The following CCBE1 variants were observed in gnomAD, a reference collection of about 807,000 sequenced individuals.
CCBE1 encodes collagen and calcium binding EGF domains 1.
In CCBE1, 37 loss-of-function variants were observed where a neutral mutation model predicts 50.0. The ratio of observed to expected loss-of-function variants is 0.74; its 90% confidence interval spans 0.57 to 0.97. The LOEUF is 0.97. Ranked by LOEUF, CCBE1 falls within the 50% of genes least tolerant of loss-of-function variation. The pLI, the probability that CCBE1 is intolerant of heterozygous loss-of-function variation, is 0.00. For synonymous variants in CCBE1, 234 were observed against 203.7 expected, an observed-to-expected ratio of 1.15 and a Z score of -1.27; for missense variants, 538 against 523.8, an observed-to-expected ratio of 1.03 and a Z score of -0.26.
At chr18:59,459,595 A>T (rs771536745) in intron 5 of CCBE1, among the ~76,000 whole-genome samples, 11 of 152,196 alleles carry the variant, frequency 7.2e-5, no homozygotes, top group Non-Finnish European at 1.6e-4. Context: ...GTTGACCAGG[A>T]CGTCTATCCT....
At chr18:59,681,800 C>T (rs554525179) in intron 2 of CCBE1, among the ~76,000 whole-genome samples, 4 of 152,344 alleles carry the variant, frequency 2.6e-5, no homozygotes, top group African/African-American at 9.6e-5. Flanking sequence ...AGATGGCTAT[C>T]ATGTTTGTAA....
chr18:59,532,947 A>G (rs969153211), intron 2 of CCBE1, among the ~76,000 whole-genome samples: 1 of 152,236 alleles, frequency 6.6e-6, no homozygotes, highest in Non-Finnish European at 1.5e-5. Context: ...CAGTTCACCA[A>G]TGGCCACAGG....
intron 3 of CCBE1, 145 bp from the exon 4 acceptor site, chr18:59,469,752 T>C (rs923931237): frequency 1.5e-5 from 16 of 1,040,272 alleles, no homozygotes; most frequent in Non-Finnish European, 2.2e-5. Context: ...ACAGGAACTC[T>C]TTAGGGCTGT....
chr18:59,681,290 A>G (rs1293616403), intron 2 of CCBE1, among the ~76,000 whole-genome samples: 4 of 152,230 alleles, frequency 2.6e-5, no homozygotes, highest in African/African-American at 9.6e-5. Context: ...CCATAAAATA[A>G]GTACATTCAG....
At position 59,605,979 on chromosome 18, in the gene CCBE1, G is replaced by A. The variant is rs188640881; in HGVS notation, c.212+90650C>T. 1.4e-4 allele frequency among the ~76,000 whole-genome samples: 21 copies of A among 152,250 alleles called. No homozygotes were observed. The East Asian group carries it at 3.9e-3, about 28-fold the overall frequency. On this transcript the variant is annotated intron_variant, in intron 2 of 10. Transcript: ENST00000439986. The stretch of plus-strand genomic sequence containing the variant: ...GAGAAATCGCGATGCTCGAATGTCC[G>A]AACTGTAGATTTCTGCCTGAAGCAC...
chr18:59,436,371 C>T (rs552078475), intron 10 of CCBE1, among the ~76,000 whole-genome samples: 2 of 152,310 alleles, frequency 1.3e-5, no homozygotes, highest in South Asian at 4.1e-4. Flanking sequence ...TCCCTCCTAA[C>T]GCTTTATCAA....
chr18:59,672,675 T>C (rs1318107817), intron 2 of CCBE1, among the ~76,000 whole-genome samples: 2 of 152,258 alleles, frequency 1.3e-5, no homozygotes, highest in African/African-American at 4.8e-5. Context: ...CTAATGAGCC[T>C]TGCCCAAATG....
intron 2 of CCBE1, among the ~76,000 whole-genome samples, chr18:59,633,336 A>G (rs945755288): frequency 6.6e-6 from 1 of 152,200 alleles, no homozygotes; most frequent in Non-Finnish European, 1.5e-5. Context: ...CAGCTCTTAC[A>G]TTTCCTCTCT....
chr18:59,649,567 A>G (rs1319741768), intron 2 of CCBE1, among the ~76,000 whole-genome samples: 1 of 152,254 alleles, frequency 6.6e-6, no homozygotes, highest in Non-Finnish European at 1.5e-5. Flanking sequence ...AAATAGCCTC[A>G]GAGATGTCAA....
chr18:59,485,386 C>G (rs1320751654), intron 2 of CCBE1, among the ~76,000 whole-genome samples: 1 of 152,070 alleles, frequency 6.6e-6, no homozygotes, highest in African/African-American at 2.4e-5. Context: ...ATCAGACTGT[C>G]TGCTGATCAT....
At chr18:59,445,860 G>A (rs7241362) in intron 7 of CCBE1, among the ~76,000 whole-genome samples, 48,500 of 152,042 alleles carry the variant, frequency 0.32, 7,888 homozygotes, top group Admixed American at 0.34. Flanking sequence ...ATGTACAAAC[G>A]GCAGCACCTT....
intron 7 of CCBE1, among the ~76,000 whole-genome samples, chr18:59,445,813 C>G (rs1412677617): frequency 6.6e-6 from 1 of 152,196 alleles, no homozygotes; most frequent in East Asian, 1.9e-4. Flanking sequence ...CTACAGAGAT[C>G]ACAGTATGTC....
At chr18:59,589,831 A>G (rs1403573158) in intron 2 of CCBE1, among the ~76,000 whole-genome samples, 2 of 150,480 alleles carry the variant, frequency 1.3e-5, no homozygotes, top group Non-Finnish European at 3.0e-5. Context: ...AAAAAATGTT[A>G]CACACCTTGA....
intron 2 of CCBE1, among the ~76,000 whole-genome samples, chr18:59,482,798 G>A (rs1912635020): frequency 6.6e-6 from 1 of 151,716 alleles, no homozygotes; most frequent in African/African-American, 2.4e-5. Context: ...TCATATATGA[G>A]AAGCTGAGAA....
At chr18:59,437,828 G>A (rs576063273) in intron 10 of CCBE1, among the ~76,000 whole-genome samples, 2 of 152,306 alleles carry the variant, frequency 1.3e-5, no homozygotes, top group East Asian at 3.9e-4. Flanking sequence ...CTTGGAAACA[G>A]ACTCATGGCA....
intron 2 of CCBE1, among the ~76,000 whole-genome samples, chr18:59,488,173 C>T (rs75576610): frequency 1.8e-3 from 279 of 152,228 alleles, no homozygotes; most frequent in East Asian, 0.013. Context: ...AGCGTGGTTG[C>T]CAGGGACTGT....
At chr18:59,444,684 T>C (rs1320547809) in intron 7 of CCBE1, among the ~76,000 whole-genome samples, 1 of 152,072 alleles carries the variant, frequency 6.6e-6, no homozygotes, top group Non-Finnish European at 1.5e-5. Context: ...AATTTTCTCT[T>C]ATACAGACAG....
At chr18:59,610,571 G>T (rs1194623738) in intron 2 of CCBE1, among the ~76,000 whole-genome samples, 3 of 152,182 alleles carry the variant, frequency 2.0e-5, no homozygotes, top group Admixed American at 2.0e-4. Flanking sequence ...AATATAATGT[G>T]TTTTAAACAG....
intron 2 of CCBE1, among the ~76,000 whole-genome samples, chr18:59,559,900 A>G (rs931191692): frequency 7.9e-5 from 12 of 152,066 alleles, no homozygotes; most frequent in African/African-American, 2.9e-4. Context: ...GACTTGATGG[A>G]CCGCTGGACA....
Sources: gnomAD v4.1 joint callset for allele counts (sites outside exome capture counted in the v4.1 genomes callset) on GRCh38, gnomAD v4.1.1 for gene constraint, MANE v1.5 for transcripts, NCBI Gene and HGNC (gene_info 2026-07-23, HGNC 2026-07-21) for gene names.